ADGRF5: variants seen among roughly 807,000 people sequenced by gnomAD.
ADGRF5 encodes adhesion G protein-coupled receptor F5.
A neutral mutation model predicts 132.3 loss-of-function variants in ADGRF5; 75 were observed. The ratio of observed to expected loss-of-function variants is 0.57; its 90% CI spans 0.47 to 0.69. The LOEUF is 0.69. ADGRF5 is among the 30% of genes least tolerant of loss of function. ADGRF5 has a pLI of 0.00. For missense variants in ADGRF5, 1,516 were observed against 1,630.6 expected (o/e 0.93, Z 1.21); for synonymous variants, 629 against 597.6 (o/e 1.05, Z -0.77).
chr6:46,947,899 G>A (rs541689872), intron 1 of ADGRF5, among the ~76,000 whole-genome samples: 9 of 152,302 alleles, frequency 5.9e-5, no homozygotes, highest in African/African-American at 1.9e-4. Flanking sequence ...GTGTTTGTAC[G>A]TGCAGGTCCC....
intron 1 of ADGRF5, among the ~76,000 whole-genome samples, chr6:46,920,606 T>C (rs1252520057): frequency 6.6e-6 from 1 of 151,822 alleles, no homozygotes; most frequent in Non-Finnish European, 1.5e-5. Flanking sequence ...CTGACACCCG[T>C]AATTCCAGCA....
At chr6:46,933,181 G>A (rs1777648787) in intron 1 of ADGRF5, among the ~76,000 whole-genome samples, 1 of 152,222 alleles carries the variant, frequency 6.6e-6, no homozygotes, top group Admixed American at 6.5e-5. Context: ...TCGTGAGTGA[G>A]CTTAGGGGAA....
intron 12 of ADGRF5, among the ~76,000 whole-genome samples, chr6:46,868,677 G>T (rs1216603459): frequency 6.6e-6 from 1 of 152,162 alleles, no homozygotes; most frequent in Non-Finnish European, 1.5e-5. Context: ...TAGAACTTAA[G>T]TTGTTTGAGC....
chr6:46,929,467 A>C (rs973077181), intron 1 of ADGRF5, among the ~76,000 whole-genome samples: 26 of 150,736 alleles, frequency 1.7e-4, no homozygotes, highest in African/African-American at 6.3e-4. Context: ...CGTTGTGCAC[A>C]TGTACCCTAA....
intron 1 of ADGRF5, among the ~76,000 whole-genome samples, chr6:46,936,640 C>T (rs879430908): frequency 2.6e-5 from 4 of 152,174 alleles, no homozygotes; most frequent in Non-Finnish European, 5.9e-5. Context: ...GTAATGAAAA[C>T]AACTGTCCCC....
intron 2 of ADGRF5, among the ~76,000 whole-genome samples, chr6:46,901,070 C>A (rs1774715440): frequency 6.6e-6 from 1 of 152,126 alleles, no homozygotes. Flanking sequence ...AAATGCTATT[C>A]AGGGAGGGGG....
chr6:46,951,112 C>T (rs145681942), intron 1 of ADGRF5, among the ~76,000 whole-genome samples: 6 of 152,266 alleles, frequency 3.9e-5, no homozygotes, highest in East Asian at 1.9e-4. Flanking sequence ...GTTATTACGA[C>T]GTGTGTTTAT....
chr6:46,878,449 T>TAC, intron 9 of ADGRF5, 44 bp from the exon 10 acceptor site: 1 of 1,182,814 alleles, frequency 8.5e-7, no homozygotes, highest in Non-Finnish European at 1.2e-6. Flanking sequence ...AACACATGTG[T>TAC]ATTTTCTTAG....
At chr6:46,895,343 C>A (rs537688201) in intron 3 of ADGRF5, among the ~76,000 whole-genome samples, 3 of 152,078 alleles carry the variant, frequency 2.0e-5, no homozygotes, top group African/African-American at 7.2e-5. Context: ...CCTGAAAGCA[C>A]CAGGTCTTCT....
At chr6:46,937,251 T>TGA (rs1554129540) in intron 1 of ADGRF5, among the ~76,000 whole-genome samples, 7 of 146,164 alleles carry the variant, frequency 4.8e-5, no homozygotes, top group Non-Finnish European at 1.1e-4. Flanking sequence ...TGTGTGTGTG[T>TGA]GAGTGTGTGT....
intron 3 of ADGRF5, among the ~76,000 whole-genome samples, chr6:46,895,333 C>T (rs1266712802): frequency 6.6e-6 from 1 of 152,048 alleles, no homozygotes; most frequent in Admixed American, 6.6e-5. Context: ...CACACACCAG[C>T]CTGAAAGCAC....
At chr6:46,869,341 T>G in intron 11 of ADGRF5, 10 of 985,306 alleles carry the variant, frequency 1.0e-5, no homozygotes, top group Non-Finnish European at 1.2e-5. Context: ...CCTCGTGCAC[T>G]TCACTTTTGT....
chr6:46,881,906 G>T, intron 7 of ADGRF5, 143 bp downstream of exon 7: 1 of 736,978 alleles, frequency 1.4e-6, no homozygotes. Context: ...CATCTGTAAG[G>T]GGTGAGGTAC....
chr6:46,901,107 C>T (rs1169722024), intron 2 of ADGRF5, among the ~76,000 whole-genome samples: 4 of 152,190 alleles, frequency 2.6e-5, no homozygotes, highest in African/African-American at 9.7e-5. Context: ...GGGCATCATG[C>T]TGCACCTGCC....
At chr6:46,941,192 T>C (rs1778032177) in intron 1 of ADGRF5, among the ~76,000 whole-genome samples, 1 of 151,842 alleles carries the variant, frequency 6.6e-6, no homozygotes. Flanking sequence ...AAGCCAGGCA[T>C]AGTGGCAAGC....
intron 3 of ADGRF5, among the ~76,000 whole-genome samples, chr6:46,893,640 T>C (rs1773882502): frequency 6.6e-6 from 1 of 152,148 alleles, no homozygotes; most frequent in Non-Finnish European, 1.5e-5. Context: ...TGTGTGTGTG[T>C]TTTGGATGCA....
At chr6:46,880,947 A>T in intron 8 of ADGRF5, among the ~76,000 whole-genome samples, 1 of 151,992 alleles carries the variant, frequency 6.6e-6, no homozygotes, top group Non-Finnish European at 1.5e-5. Flanking sequence ...TAAAAAAAAA[A>T]ATGTTAGCTG....
rs975705116 is a variant in ADGRF5, at chr6:46,941,073, A to T, written c.-25+13661T>A. ...ATTCTAGGCCTACTCAGTGGCTCACATCTCTAATCCTAGCACTTTGGAAGA... is the reference window on the plus strand; with the variant it reads ...ATTCTAGGCCTACTCAGTGGCTCACTTCTCTAATCCTAGCACTTTGGAAGA... On this transcript the variant is annotated intron_variant, in intron 1 of 20. Coordinates refer to the ADGRF5 transcript ENST00000265417. Among the ~76,000 whole-genome samples, 6 of 152,234 alleles carry T rather than the reference A, an allele frequency of 3.9e-5. No individual in the cohort carries two copies. The East Asian group carries it at 9.7e-4, about 25-fold the overall frequency.
rs1581766745 is a variant in ADGRF5, at chr6:46,868,829, T to C, written c.1621+54A>G. 3 of 1,116,320 alleles carry C rather than the reference T, an allele frequency of 2.7e-6. No homozygotes were observed. In the East Asian group the frequency reaches 7.1e-5, roughly 26 times the overall value. The allele number at this position is 1,116,320 out of a possible 1,614,324, so 69.2% of individuals were successfully genotyped here. Reference sequence around the variant, plus strand: ...ACCCTACACAGATGGTAACTATTATTGCATGTTTCCAAGAGCCCAGGCAGC... The same window carrying C: ...ACCCTACACAGATGGTAACTATTATCGCATGTTTCCAAGAGCCCAGGCAGC... On this transcript the variant is annotated intron_variant, in intron 12 of 20. Coordinates refer to ENST00000283296, the MANE Select transcript of ADGRF5 (RefSeq NM_001098518.2).
Sources: gnomAD v4.1 joint callset for allele counts (sites outside exome capture counted in the v4.1 genomes callset) on GRCh38, gnomAD v4.1.1 for gene constraint, MANE v1.5 for transcripts, NCBI Gene and HGNC (gene_info 2026-07-23, HGNC 2026-07-21) for gene names.